The following SPART variants were observed in gnomAD, a reference collection of about 807,000 sequenced individuals.
The protein encoded by SPART is spartin.
Under a neutral mutation model 58.7 loss-of-function variants are expected in SPART, and 35 were observed. That is an observed-to-expected ratio of 0.60 (90% CI 0.46 to 0.79). The LOEUF (loss-of-function observed/expected upper bound fraction) is 0.79. SPART is among the 30% of genes least tolerant of loss of function. The pLI is 0.00. For synonymous variants in SPART, 284 were observed against 280.7 expected (o/e 1.01, Z -0.12); for missense variants, 730 against 786.1 (o/e 0.93, Z 0.85).
At chr13:36,314,089 A>G (rs1411750171) in intron 6 of SPART, 138 bp downstream of exon 6, 3 of 876,612 alleles carry the variant, frequency 3.4e-6, no homozygotes, top group African/African-American at 1.7e-5. Flanking sequence ...CTCACTATGA[A>G]TAACAAAGAG....
chr13:36,314,792 T>C (rs1254045994), intron 5 of SPART, among the ~76,000 whole-genome samples: 2 of 152,232 alleles, frequency 1.3e-5, no homozygotes, highest in African/African-American at 4.8e-5. Context: ...AGAACCCAGA[T>C]ATTCTTGTTC....
intron 1 of SPART, among the ~76,000 whole-genome samples, chr13:36,342,377 G>T (rs1453931102): frequency 6.6e-6 from 1 of 152,140 alleles, no homozygotes; most frequent in African/African-American, 2.4e-5. Flanking sequence ...AAACAAAGAA[G>T]AATGTGCAAC....
Position 36,303,760 on chromosome 13 carries a change from C to A in SPART, c.*605G>T. The A allele has an allele frequency of 6.5e-6, 1 of 153,212 alleles. No individual in the cohort carries two copies. Among genetic ancestry groups the A allele is most frequent in the South Asian group, 2.1e-4 (1 of 4,842 alleles). The allele number at this position is 153,212 out of a possible 1,614,324, so 9.5% of individuals were successfully genotyped here. A position where few individuals can be genotyped will look rare whatever the true frequency, so the allele number is the denominator to read the frequency against. ...TTTATTTATTTTAAATCAAAGAGAC[C>A]ATTCCATTTCCTAACAAACAGGTAA... On this transcript the variant is annotated 3_prime_UTR_variant, in exon 9 of 9. Coordinates refer to ENST00000438666, the MANE Select transcript of SPART (RefSeq NM_015087.5).
At chr13:36,352,833 A>G (rs1885472459) in intron 1 of SPART, among the ~76,000 whole-genome samples, 1 of 151,754 alleles carries the variant, frequency 6.6e-6, no homozygotes, top group African/African-American at 2.4e-5. Flanking sequence ...GGTGGCACAC[A>G]CCTGTAGCTC....
intron 5 of SPART, among the ~76,000 whole-genome samples, chr13:36,324,766 A>G (rs183223839): frequency 7.9e-5 from 12 of 152,314 alleles, no homozygotes; most frequent in African/African-American, 2.9e-4. Flanking sequence ...AAGCGGGCTG[A>G]GACCGAAAAG....
chr13:36,335,043 T>C lies in SPART; in HGVS notation c.788A>G (p.Asn263Ser). 1 of 1,613,970 alleles carries C rather than the reference T, an allele frequency of 6.2e-7. No homozygotes were observed. The highest frequency in any genetic ancestry group is 2.2e-5 in the East Asian group (1 of 44,876). ...FLDNSLDTVL[N>S]RPPGFLQVCD... ...TACCTGAAGAAACCCGGGAGGACGG[T>C]TTAGAACCGTATCGAGAGAATTATC... The change falls in exon 2 of 9, where the codon AAC becomes AGC. Residue 263 changes from asparagine to serine, a missense_variant. By Grantham distance (46) the Asn-to-Ser change is conservative (BLOSUM62 1). Transcript: ENST00000438666.
upstream of SPART, among the ~76,000 whole-genome samples, chr13:36,349,975 G>A (rs1885349309): frequency 6.6e-6 from 1 of 152,176 alleles, no homozygotes. Context: ...TTCAAACTGT[G>A]AAAGCTGCAA....
intron 1 of SPART, chr13:36,368,147 T>A: frequency 4.4e-6 from 2 of 455,508 alleles, no homozygotes; most frequent in East Asian, 7.2e-5. Flanking sequence ...ATTTTAAACA[T>A]GTCAACAAAA....
At chr13:36,357,683 A>T (rs1885677481) in intron 1 of SPART, among the ~76,000 whole-genome samples, 1 of 152,230 alleles carries the variant, frequency 6.6e-6, no homozygotes, top group African/African-American at 2.4e-5. Context: ...GTATACTTAT[A>T]AAAGGTTTTT....
chr13:36,368,257 C>A (rs775098484), intron 1 of SPART: 1 of 430,692 alleles, frequency 2.3e-6, no homozygotes, highest in South Asian at 1.8e-5. Context: ...ACAGGTGTGT[C>A]CTCTGCCCAA....
At chr13:36,343,044 A>G (rs1884731440) in intron 1 of SPART, among the ~76,000 whole-genome samples, 1 of 152,208 alleles carries the variant, frequency 6.6e-6, no homozygotes, top group Admixed American at 6.5e-5. Context: ...CCTTTAATTT[A>G]GGCACAACTC....
At chr13:36,311,423 CAG>C (rs1412390354) in intron 8 of SPART, among the ~76,000 whole-genome samples, 9 of 152,132 alleles carry the variant, frequency 5.9e-5, no homozygotes, top group African/African-American at 1.7e-4. Flanking sequence ...CAGTGGTAAT[CAG>C]AGTCAAGTAA....
chr13:36,312,303 C>G lies in SPART; in HGVS notation c.1642+16G>C. ...CAAACGGACCTTCATAGTTAAAATTCTGGGCCCTTTGTTACCTTGAACACT... is the reference window on the plus strand; with the variant it reads ...CAAACGGACCTTCATAGTTAAAATTGTGGGCCCTTTGTTACCTTGAACACT... On this transcript the variant is annotated intron_variant, in intron 7 of 8. Transcript: ENST00000438666. 1 of 1,613,990 alleles carries G rather than the reference C, an allele frequency of 6.2e-7. No homozygotes were observed. The highest frequency in any genetic ancestry group is 8.5e-7 in the Non-Finnish European group (1 of 1,179,954).
intron 1 of SPART, chr13:36,365,574 C>T (rs1886022336): frequency 2.1e-6 from 1 of 467,354 alleles, no homozygotes; most frequent in Non-Finnish European, 4.4e-6. Flanking sequence ...ACCCACTTCT[C>T]TATGGAGCAC....
intron 1 of SPART, among the ~76,000 whole-genome samples, chr13:36,359,937 A>AAAAC (rs1555266128): frequency 3.3e-5 from 5 of 151,286 alleles, no homozygotes; most frequent in South Asian, 2.1e-4. Flanking sequence ...AAAAAAAAAA[A>AAAAC]AAAAACACCT....
upstream of SPART, among the ~76,000 whole-genome samples, chr13:36,348,091 G>A (rs890119663): frequency 8.5e-5 from 13 of 152,212 alleles, no homozygotes; most frequent in Admixed American, 6.5e-5. Flanking sequence ...TTCGAGACCA[G>A]CCTGGGCAAC....
At chr13:36,359,336 C>T (rs941751908) in intron 1 of SPART, among the ~76,000 whole-genome samples, 1 of 152,108 alleles carries the variant, frequency 6.6e-6, no homozygotes, top group Non-Finnish European at 1.5e-5. Context: ...AAAACCTTAG[C>T]ATGTTTTTCT....
At chr13:36,319,645 A>G (rs139861049) in intron 5 of SPART, among the ~76,000 whole-genome samples, 1 of 136,966 alleles carries the variant, frequency 7.3e-6, no homozygotes, top group Non-Finnish European at 1.6e-5. Context: ...ATATACTCTC[A>G]TATCCTCAGT....
At chr13:36,345,931 G>C (rs982371056) in intron 1 of SPART, among the ~76,000 whole-genome samples, 1 of 152,152 alleles carries the variant, frequency 6.6e-6, no homozygotes, top group African/African-American at 2.4e-5. Context: ...GATAGGAATC[G>C]AGCGGGAAGG....
Sources: gnomAD v4.1 joint callset for allele counts (sites outside exome capture counted in the v4.1 genomes callset) on GRCh38, gnomAD v4.1.1 for gene constraint, MANE v1.5 for transcripts, NCBI Gene and HGNC (gene_info 2026-07-23, HGNC 2026-07-21) for gene names.